The following LARGE1 variants were observed in gnomAD, a reference collection of about 807,000 sequenced individuals.
The protein encoded by LARGE1 is xylosyl- and glucuronyltransferase LARGE1.
In LARGE1, 43 loss-of-function variants were observed where a neutral mutation model predicts 87.6. The ratio of observed to expected loss-of-function variants is 0.49; its 90% CI spans 0.38 to 0.63. The LOEUF (loss-of-function observed/expected upper bound fraction) is 0.63, where lower values mean the gene tolerates loss of function less well. LARGE1 is among the 30% of genes least tolerant of loss of function. The pLI is 0.00. For synonymous variants in LARGE1, 434 were observed against 394.6 expected, an observed-to-expected ratio of 1.10 and a Z score of -1.18; for missense variants, 802 against 1,000.2, an observed-to-expected ratio of 0.80 and a Z score of 2.67.
At chr22:33,143,609 T>A in the LARGE1 span, among the ~76,000 whole-genome samples, 3 of 152,034 alleles carry the variant, frequency 2.0e-5, no homozygotes, top group Admixed American at 2.0e-4. Context: ...TGCATGTGAT[T>A]TTTTTTTCAT....
chr22:33,278,802 C>T (rs1409187137), intron 13 of LARGE1, among the ~76,000 whole-genome samples: 2 of 152,142 alleles, frequency 1.3e-5, no homozygotes, highest in African/African-American at 4.8e-5. Flanking sequence ...TCACTGCAAC[C>T]TCTGCCTCCC....
At chr22:33,292,541 C>T (rs1932757083) in intron 12 of LARGE1, among the ~76,000 whole-genome samples, 2 of 152,032 alleles carry the variant, frequency 1.3e-5, no homozygotes, top group South Asian at 4.2e-4. Context: ...CAAAGGATGC[C>T]AGGCTTACAT....
chr22:33,657,594 G>C (rs1042165277), intron 2 of LARGE1, among the ~76,000 whole-genome samples: 4 of 152,028 alleles, frequency 2.6e-5, no homozygotes, highest in African/African-American at 9.7e-5. Context: ...CACAAGCAGA[G>C]GGCCAGATCA....
the LARGE1 span, among the ~76,000 whole-genome samples, chr22:33,091,370 G>A: frequency 6.6e-6 from 1 of 152,056 alleles, no homozygotes; most frequent in Non-Finnish European, 1.5e-5. Context: ...AGACCAGCCT[G>A]ACCAACATGG....
At chr22:33,560,847 C>T (rs1462526749) in intron 6 of LARGE1, among the ~76,000 whole-genome samples, 1 of 149,974 alleles carries the variant, frequency 6.7e-6, no homozygotes, top group Non-Finnish European at 1.5e-5. Flanking sequence ...CAGAGTCTTG[C>T]TCTGTCACCC....
At chr22:33,124,395 A>AAGAAGG in the LARGE1 span, among the ~76,000 whole-genome samples, 1 of 148,038 alleles carries the variant, frequency 6.8e-6, no homozygotes, top group African/African-American at 2.5e-5. Flanking sequence ...GGAGGAAGGA[A>AAGAAGG]AATGATGGCT....
At chr22:33,409,589 T>TTAA (rs71187263) in intron 7 of LARGE1, among the ~76,000 whole-genome samples, 8,398 of 151,860 alleles carry the variant, frequency 0.055, 398 homozygotes, top group Admixed American at 0.15. Context: ...TTATGCACAG[T>TTAA]TAATAATAAT....
intron 6 of LARGE1, among the ~76,000 whole-genome samples, chr22:33,469,948 G>A (rs1268391270): frequency 7.0e-6 from 1 of 143,282 alleles, no homozygotes; most frequent in Middle Eastern, 3.3e-3. Context: ...GGAGTGCAGT[G>A]GTGCGATCTT....
intron 9 of LARGE1, among the ~76,000 whole-genome samples, chr22:33,347,312 G>A (rs1939875873): frequency 6.6e-6 from 1 of 152,144 alleles, no homozygotes; most frequent in Non-Finnish European, 1.5e-5. Flanking sequence ...TTTCCAGGCT[G>A]GTAAAGAACT....
rs140417703 is a variant in LARGE1 at position 33,405,864 on chromosome 22, C to G, written c.893-21560G>C. Among the ~76,000 whole-genome samples the G allele has an allele frequency of 2.3e-3, 356 of 152,106 alleles. 1 individual carries two copies. Among genetic ancestry groups the G allele is most frequent in the African/African-American group, 8.4e-3 (348 of 41,482 alleles). On this transcript the variant is annotated intron_variant, in intron 7 of 14. Transcript: ENST00000397394. ...TTCCTTCCTTACGCTCTGTGAAGAT[C>G]GATAGTCCCTGTTTACTAATCTGTG...
chr22:33,618,332 G>T (rs2079640553), intron 4 of LARGE1, among the ~76,000 whole-genome samples: 1 of 152,228 alleles, frequency 6.6e-6, no homozygotes, highest in Non-Finnish European at 1.5e-5. Flanking sequence ...AAGCAGCATG[G>T]ATTGTAGGGG....
chr22:33,476,568 T>C (rs1266831628), intron 6 of LARGE1, among the ~76,000 whole-genome samples: 2 of 152,242 alleles, frequency 1.3e-5, no homozygotes, highest in East Asian at 3.8e-4. Context: ...GGCTGTGTCA[T>C]AGGCATGTCC....
At chr22:33,778,940 C>T (rs62225423) in intron 1 of LARGE1, among the ~76,000 whole-genome samples, 11,060 of 152,206 alleles carry the variant, frequency 0.073, 517 homozygotes, top group Admixed American at 0.11. Context: ...CGTGAGCCAC[C>T]GCACCCAGCC....
chr22:33,344,388 G>A (rs1236748915), intron 9 of LARGE1, among the ~76,000 whole-genome samples: 6 of 151,896 alleles, frequency 4.0e-5, no homozygotes, highest in East Asian at 1.9e-4. Flanking sequence ...CTTAGATAGA[G>A]AGGAAGGTAT....
chr22:33,581,776 C>T (rs1051311140), intron 5 of LARGE1, among the ~76,000 whole-genome samples: 92 of 146,378 alleles, frequency 6.3e-4, no homozygotes, highest in Admixed American at 1.1e-3. Flanking sequence ...TGTGCCATTG[C>T]ACTCCAGTCT....
At chr22:33,503,146 C>T (rs1005420733) in intron 6 of LARGE1, among the ~76,000 whole-genome samples, 37 of 151,982 alleles carry the variant, frequency 2.4e-4, no homozygotes, top group Non-Finnish European at 4.1e-4. Context: ...AGGTTATCCG[C>T]AACACCAAAG....
At position 33,463,918 on chromosome 22, in the gene LARGE1, C is replaced by A. The variant is rs958413034; in HGVS notation, c.788-31653G>T. Among the ~76,000 whole-genome samples the A allele has an allele frequency of 7.2e-5, 11 of 152,284 alleles. No homozygotes were observed. In the South Asian group the frequency reaches 8.3e-4, roughly 11 times the overall value. ...CGAACTCCTGACCTCAGGTGATCTG[C>A]CCGCCTTGGCCCCCCAAAGTGCTGG... On this transcript the variant is annotated intron_variant, in intron 6 of 14. Transcript: ENST00000397394.
At chr22:33,592,081 A>AGGAGG (rs1010096969) in intron 5 of LARGE1, among the ~76,000 whole-genome samples, 4 of 45,718 alleles carry the variant, frequency 8.7e-5, no homozygotes, top group African/African-American at 1.8e-4. Context: ...GGGAGGAGAG[A>AGGAGG]GGAGGGGAGG....
chr22:33,297,291 C>G (rs1012063056), intron 12 of LARGE1, among the ~76,000 whole-genome samples: 1 of 152,172 alleles, frequency 6.6e-6, no homozygotes, highest in Non-Finnish European at 1.5e-5. Flanking sequence ...AGAATACAGT[C>G]TCTACCCAGT....
Sources: allele counts gnomAD v4.1 joint callset (sites outside exome capture counted in the v4.1 genomes callset), GRCh38; gene constraint gnomAD v4.1.1; transcripts MANE v1.5; gene names NCBI Gene and HGNC (gene_info 2026-07-23, HGNC 2026-07-21).